GABRG3: variants seen among roughly 807,000 people sequenced by gnomAD.
The protein encoded by GABRG3 is gamma-aminobutyric acid receptor subunit gamma-3.
GABRG3 carries 25 observed loss-of-function variants against 48.8 expected under a neutral mutation model. That is an observed-to-expected ratio of 0.51 (90% confidence interval 0.37 to 0.72). GABRG3 has a LOEUF of 0.72. GABRG3 is among the 30% of genes least tolerant of loss of function. The pLI is 0.00. For synonymous variants in GABRG3, 227 were observed against 217.6 expected (o/e 1.04, Z -0.38); for missense variants, 394 against 577.9 (o/e 0.68, Z 3.26).
chr15:27,048,845 C>T (rs1285705836), intron 3 of GABRG3, among the ~76,000 whole-genome samples: 1 of 150,204 alleles, frequency 6.7e-6, no homozygotes, highest in Non-Finnish European at 1.5e-5. Flanking sequence ...CCCTGACCAT[C>T]TCTGACTGTA....
chr15:27,300,969 AAAAC>A (rs942768179), intron 3 of GABRG3, among the ~76,000 whole-genome samples: 23 of 152,158 alleles, frequency 1.5e-4, no homozygotes, highest in Non-Finnish European at 2.2e-4. Flanking sequence ...CTCCATCTCA[AAAAC>A]AAACAAACAA....
chr15:27,118,388 A>T (rs948889767), intron 3 of GABRG3, among the ~76,000 whole-genome samples: 3 of 152,168 alleles, frequency 2.0e-5, no homozygotes, highest in Middle Eastern at 3.2e-3. Context: ...GTCACTCATG[A>T]ATTTGGTATC....
chr15:27,344,910 T>C (rs1894315264), intron 5 of GABRG3, among the ~76,000 whole-genome samples: 3 of 152,172 alleles, frequency 2.0e-5, no homozygotes, highest in Non-Finnish European at 4.4e-5. Context: ...GATTATTTTG[T>C]CTTCTTGGAG....
intron 8 of GABRG3, 68 bp from the exon 9 acceptor site, chr15:27,527,865 C>T: frequency 4.5e-6 from 6 of 1,320,996 alleles, no homozygotes; most frequent in Non-Finnish European, 6.4e-6. Context: ...AAAGATTGCT[C>T]TTAAGAGTGA....
intron 2 of GABRG3, among the ~76,000 whole-genome samples, chr15:27,000,743 T>A (rs544444698): frequency 6.6e-6 from 1 of 152,180 alleles, no homozygotes; most frequent in Non-Finnish European, 1.5e-5. Context: ...GCTGAGCAGA[T>A]GCCAGCACCA....
intron 3 of GABRG3, among the ~76,000 whole-genome samples, chr15:27,064,928 C>T (rs912290948): frequency 6.6e-6 from 1 of 152,126 alleles, no homozygotes; most frequent in Non-Finnish European, 1.5e-5. Context: ...AGTTGTGTTC[C>T]TTTTTTAATT....
chr15:27,052,681 GTTTAAAAA>G (rs1896475694), intron 3 of GABRG3, among the ~76,000 whole-genome samples: 2 of 152,302 alleles, frequency 1.3e-5, no homozygotes, highest in African/African-American at 4.8e-5. Context: ...TATGCTCATA[GTTTAAAAA>G]GTCTAGATAC....
chr15:27,202,286 TAAC>T (rs1888709748), intron 3 of GABRG3, among the ~76,000 whole-genome samples: 1 of 152,242 alleles, frequency 6.6e-6, no homozygotes, highest in South Asian at 2.1e-4. Flanking sequence ...CTGTTTCACT[TAAC>T]AATACATCTT....
intron 3 of GABRG3, among the ~76,000 whole-genome samples, chr15:27,159,201 G>T (rs990276105): frequency 6.6e-6 from 1 of 152,056 alleles, no homozygotes; most frequent in Non-Finnish European, 1.5e-5. Flanking sequence ...AAAAATACAG[G>T]CCGGGCATGG....
chr15:27,250,716 C>T (rs201266378), intron 3 of GABRG3, among the ~76,000 whole-genome samples: 15 of 152,304 alleles, frequency 9.8e-5, no homozygotes, highest in East Asian at 3.9e-4. Context: ...CGTGAGCCAC[C>T]GCGACTAGCC....
At chr15:27,219,085 C>T (rs1201873371) in intron 3 of GABRG3, among the ~76,000 whole-genome samples, 1 of 152,184 alleles carries the variant, frequency 6.6e-6, no homozygotes, top group East Asian at 1.9e-4. Context: ...GCTACAGCCC[C>T]AAGTCCTAGC....
chr15:27,317,577 C>T (rs555153231), intron 3 of GABRG3, among the ~76,000 whole-genome samples: 1 of 152,160 alleles, frequency 6.6e-6, no homozygotes, highest in Non-Finnish European at 1.5e-5. Flanking sequence ...TGTCACAAGG[C>T]AAGGCTAAGC....
chr15:27,359,935 A>G (rs767206221), intron 5 of GABRG3, among the ~76,000 whole-genome samples: 2 of 152,160 alleles, frequency 1.3e-5, no homozygotes, highest in African/African-American at 2.4e-5. Context: ...TGTTTAACTT[A>G]CCTACTTTGT....
intron 2 of GABRG3, among the ~76,000 whole-genome samples, chr15:27,007,078 CT>C (rs746753196): frequency 1.5e-3 from 210 of 141,020 alleles, no homozygotes; most frequent in Admixed American, 1.4e-3. Context: ...GTGCATGTGT[CT>C]TTTTTTTTTT....
At chr15:27,495,807 T>G (rs1890472567) in intron 6 of GABRG3, among the ~76,000 whole-genome samples, 1 of 152,236 alleles carries the variant, frequency 6.6e-6, no homozygotes, top group African/African-American at 2.4e-5. Context: ...ATTCCTCACA[T>G]CTTTGTCACC....
chr15:27,199,562 A>G (rs1888615014), intron 3 of GABRG3, among the ~76,000 whole-genome samples: 1 of 151,884 alleles, frequency 6.6e-6, no homozygotes. Context: ...TCCCAGTGGT[A>G]ATGGGTGAAT....
At chr15:27,078,922 G>A (rs1468457101) in intron 3 of GABRG3, among the ~76,000 whole-genome samples, 1 of 152,160 alleles carries the variant, frequency 6.6e-6, no homozygotes, top group Non-Finnish European at 1.5e-5. Context: ...GTAGGGTGGG[G>A]CCTTAATCCA....
intron 5 of GABRG3, among the ~76,000 whole-genome samples, chr15:27,475,012 C>T (rs1361776059): frequency 6.6e-6 from 1 of 152,054 alleles, no homozygotes; most frequent in East Asian, 1.9e-4. Context: ...CACCTGTAAT[C>T]CCAGCTACTC....
intron 2 of GABRG3, among the ~76,000 whole-genome samples, chr15:27,007,475 C>T (rs940941386): frequency 3.9e-5 from 6 of 152,168 alleles, no homozygotes; most frequent in Non-Finnish European, 2.9e-5. Flanking sequence ...GTTTTAAGTT[C>T]TTTGAGAAAT....
Sources: allele counts gnomAD v4.1 joint callset (sites outside exome capture counted in the v4.1 genomes callset), GRCh38; gene constraint gnomAD v4.1.1; transcripts MANE v1.5; gene names NCBI Gene and HGNC (gene_info 2026-07-23, HGNC 2026-07-21).